Variants in MIB2 observed in about 807,000 individuals in gnomAD.
MIB2 encodes the protein MIB E3 ubiquitin protein ligase 2.
In MIB2, 78 loss-of-function variants were observed where a neutral mutation model predicts 96.6. The ratio of observed to expected loss-of-function variants is 0.81; its 90% CI spans 0.67 to 0.97. The LOEUF is 0.97. MIB2 is among the 50% of genes least tolerant of loss of function. MIB2 has a pLI of 0.00. For synonymous variants in MIB2, 820 were observed against 629.5 expected (o/e 1.30, Z -4.53); for missense variants, 1,543 against 1,424.0 (o/e 1.08, Z -1.35).
Position 1,616,554 on chromosome 1 carries a change from C to T in MIB2, c.-83C>T, listed in dbSNP as rs1023762700. The T allele has an allele frequency of 1.9e-6, 3 of 1,603,630 alleles. No individual in the cohort carries two copies. Among genetic ancestry groups the T allele is most frequent in the Non-Finnish European group, 2.6e-6 (3 of 1,175,602 alleles). On this transcript the variant is annotated 5_prime_UTR_variant, in exon 2 of 20. Transcript: ENST00000355826. The stretch of plus-strand genomic sequence containing the variant: ...AGAGGCCAGTCCCAAAGTTTCCAGG[C>T]ATCAGGGCTGCAGCCCAGGAGCCTC...
At chr1:1,621,535 C>T (rs1458171301) in intron 2 of MIB2, among the ~76,000 whole-genome samples, 1 of 148,670 alleles carries the variant, frequency 6.7e-6, no homozygotes, top group Non-Finnish European at 1.5e-5. Context: ...AGGGAGGCAG[C>T]GTCACCCGAC....
intron 2 of MIB2, among the ~76,000 whole-genome samples, chr1:1,621,976 T>G (rs989459660): frequency 6.6e-6 from 1 of 152,234 alleles, no homozygotes; most frequent in Non-Finnish European, 1.5e-5. Context: ...ACTGCTCACC[T>G]GCAGCCTCTC....
chr1:1,615,578 G>C lies in MIB2; in HGVS notation c.-185G>C, dbSNP rs755453798. 2 of 1,545,336 alleles carry C rather than the reference G, an allele frequency of 1.3e-6. No individual in the cohort carries two copies. The highest frequency in any genetic ancestry group is 8.7e-7 in the Non-Finnish European group (1 of 1,149,518). On this transcript the variant is annotated 5_prime_UTR_variant, in exon 1 of 20. Coordinates refer to ENST00000355826, the MANE Select transcript of MIB2 (RefSeq NM_001170687.4). ...CAGGAGGGCCTGGGAGCCCGAAGCC[G>C]TCCCCGAGTCGCTCCTAGGTCACTG...
rs776746628 is a variant in MIB2 at position 1,627,757 on chromosome 1, C to A, written c.1608C>A (p.His536Gln). 5.0e-6 allele frequency: 8 copies of A among 1,597,264 alleles called. No individual in the cohort carries two copies. The highest frequency in any genetic ancestry group is 6.8e-6 in the Non-Finnish European group (8 of 1,179,106). The stretch of plus-strand genomic sequence containing the variant: ...ACAGCACCCAGAGCACAGCACTGCA[C>A]GTGGCCGTGCAGAGGGGCTTCCTGG... ...AINSTQSTALHVAVQRGFLEV... is the reference protein window; with the variant it reads ...AINSTQSTALQVAVQRGFLEV... The change falls in exon 13 of 20, where the codon CAC (histidine) becomes CAA (glutamine). Residue 536 changes from histidine (H) to glutamine (Q), a missense_variant. Coordinates refer to ENST00000355826, the MANE Select transcript of MIB2 (RefSeq NM_001170687.4).
At chr1:1,628,948 T>A in intron 16 of MIB2, 185 bp from the exon 17 acceptor site, 1 of 728,188 alleles carries the variant, frequency 1.4e-6, no homozygotes, top group Non-Finnish European at 2.1e-6. Context: ...AGGTGGAGCT[T>A]AGGGTCTCAG....
chr1:1,618,667 G>A (rs1643965490), intron 2 of MIB2: 1 of 152,480 alleles, frequency 6.6e-6, no homozygotes, highest in African/African-American at 2.4e-5. Flanking sequence ...AAGCCCAAGG[G>A]ATGAGCCCTT....
chr1:1,618,031 G>C (rs937940161), intron 2 of MIB2: 1 of 152,324 alleles, frequency 6.6e-6, no homozygotes, highest in South Asian at 2.1e-4. Context: ...TGTACGCCAC[G>C]ATGTACACCA....
chr1:1,629,115 G>A lies in MIB2; in HGVS notation c.2203-18G>A, dbSNP rs1265949806. The stretch of plus-strand genomic sequence containing the variant: ...TGCCCCGGCGCCCGCCCTCACCGGC[G>A]TCTGTCCTGCCGCCCAGCTACAGGC... On this transcript the variant is annotated intron_variant, in intron 16 of 19. Transcript: ENST00000355826. 3 of 1,455,728 alleles carry A rather than the reference G, an allele frequency of 2.1e-6. No homozygotes were observed. Among genetic ancestry groups the A allele is most frequent in the Admixed American group, 2.7e-5 (1 of 36,556 alleles). The allele number at this position is 1,455,728 out of a possible 1,614,324, so 90.2% of individuals were successfully genotyped here.
chr1:1,627,678 A>G lies in MIB2; in HGVS notation c.1529A>G (p.Gln510Arg), dbSNP rs1306299421. 6.3e-7 allele frequency: 1 copy of G among 1,593,176 alleles called. No individual in the cohort carries two copies. Among genetic ancestry groups the G allele is most frequent in the Non-Finnish European group, 8.5e-7 (1 of 1,177,700 alleles). ...TALHYAALGN[Q>R]PEATRVLLSA... ...CCCACTTCCTCTCCTGTCAGGAACCAGCCCGAGGCCACCAGGGTGCTCCTG... is the reference window on the plus strand; with the variant it reads ...CCCACTTCCTCTCCTGTCAGGAACCGGCCCGAGGCCACCAGGGTGCTCCTG... The change falls in exon 13 of 20, where the codon CAG (glutamine) becomes CGG (arginine). Residue 510 changes from glutamine to arginine, a missense_variant. Coordinates refer to ENST00000355826, the MANE Select transcript of MIB2 (RefSeq NM_001170687.4).
In MIB2 at chr1:1,625,577, T is replaced by C; in HGVS notation, c.896T>C (p.Ile299Thr). The C allele has an allele frequency of 6.3e-7, 1 of 1,585,202 alleles. No homozygotes were observed. The highest frequency in any genetic ancestry group is 8.6e-7 in the Non-Finnish European group (1 of 1,166,388). The part of the protein sequence containing the change: ...FIGQTGTVHR[I>T]TDRGDVRVQF... ...GGACAGACGGGCACCGTGCATCGTA[T>C]CACGGACCGCGGGGACGTGCGCGTG... The change falls in exon 8 of 20, where the codon ATC becomes ACC. Residue 299 changes from isoleucine to threonine, a missense_variant. By Grantham distance (89) the Ile-to-Thr change is moderately conservative (BLOSUM62 -1). Coordinates refer to ENST00000355826, the MANE Select transcript of MIB2 (RefSeq NM_001170687.4). The surrounding 1 kb of genome is among the most constrained non-coding windows in gnomAD (Gnocchi z 5.0).
rs760770226 is a variant in MIB2, at chr1:1,627,665, C to T, written c.1524-8C>T. The T allele has an allele frequency of 1.3e-6, 2 of 1,589,170 alleles. No individual in the cohort carries two copies. The highest frequency in any genetic ancestry group is 3.4e-5 in the Admixed American group (2 of 59,032). ...GCGCCCTCCCTCTCCCACTTCCTCT[C>T]CTGTCAGGAACCAGCCCGAGGCCAC... On this transcript the variant is annotated splice_polypyrimidine_tract_variant and splice_region_variant and intron_variant, in intron 12 of 19. Transcript: ENST00000355826.
chr1:1,621,039 A>G (rs1644215589), intron 2 of MIB2, among the ~76,000 whole-genome samples: 1 of 152,238 alleles, frequency 6.6e-6, no homozygotes, highest in African/African-American at 2.4e-5. Context: ...CTCGGGACAC[A>G]GGGGCTGCCG....
At chr1:1,627,607 G>T in intron 12 of MIB2, 66 bp from the exon 13 acceptor site, 3 of 1,530,000 alleles carry the variant, frequency 2.0e-6, no homozygotes, top group Admixed American at 4.0e-5. Context: ...GGGCCTGGCG[G>T]GGCTGAGCCT....
rs116670248 is a variant in MIB2 at position 1,629,478 on chromosome 1, G to A, written c.2475G>A (p.Pro825=). Residue 825 remains proline, a synonymous_variant, in exon 18 of 20, where the codon CCG becomes CCA. Coordinates refer to ENST00000355826, the MANE Select transcript of MIB2 (RefSeq NM_001170687.4). ...TVTNLHVGAA[P]GPEAAECLVC... ...CGAACCTGCACGTGGGCGCCGCGCC[G>A]GGGCCCGAGGCCGCTGAGTGCCTGG... 1.9e-3 allele frequency: 2,941 copies of A among 1,519,200 alleles called. 44 individuals carry two copies. In the African/African-American group the frequency reaches 0.036, roughly 19 times the overall value. 94.1% of individuals were successfully genotyped at this position (1,519,200 alleles called of 1,614,324 possible).
Position 1,623,445 on chromosome 1 carries a change from C to A in MIB2, c.-8C>A, listed in dbSNP as rs371922773. The A allele has an allele frequency of 1.9e-6, 3 of 1,600,798 alleles. No individual in the cohort carries two copies. Among genetic ancestry groups the A allele is most frequent in the Admixed American group, 1.7e-5 (1 of 59,054 alleles). ...TCTGCCCACAGGTCCCGAGCAGCCC[C>A]GCCCAACATGGACCCAGACCCCCAG... On this transcript the variant is annotated 5_prime_UTR_variant, in exon 3 of 20. Transcript: ENST00000355826.
At chr1:1,617,285 T>G (rs1286683242) in intron 2 of MIB2, 1 of 152,382 alleles carries the variant, frequency 6.6e-6, no homozygotes, top group Non-Finnish European at 1.5e-5. Context: ...GTAACTTGCT[T>G]CTTCTGAATA....
intron 4 of MIB2, chr1:1,624,174 G>A: frequency 3.5e-6 from 2 of 576,080 alleles, no homozygotes; most frequent in South Asian, 2.3e-5. Flanking sequence ...CCCCAGGGCG[G>A]CATGAGACCT....
upstream of MIB2, chr1:1,615,256 C>T: frequency 9.2e-7 from 1 of 1,092,668 alleles, no homozygotes; most frequent in East Asian, 3.1e-5. Context: ...CGGCAAGTGC[C>T]GCCAGTGCCA....
At chr1:1,622,861 G>A (rs1644383474) in intron 2 of MIB2, among the ~76,000 whole-genome samples, 1 of 152,202 alleles carries the variant, frequency 6.6e-6, no homozygotes, top group East Asian at 1.9e-4. Context: ...TCCTGGTCCC[G>A]CTGGCCGATG....
Sources: allele counts gnomAD v4.1 joint callset (sites outside exome capture counted in the v4.1 genomes callset), GRCh38; gene constraint gnomAD v4.1.1; non-coding constraint Gnocchi (gnomAD v3.1); transcripts MANE v1.5; gene names NCBI Gene and HGNC (gene_info 2026-07-23, HGNC 2026-07-21).